Variants in FLNC observed in about 807,000 individuals in gnomAD.
FLNC encodes the protein filamin C, also known as filamin-C.
A neutral mutation model predicts 254.3 loss-of-function variants in FLNC; 91 were observed. That is an observed-to-expected ratio of 0.36 (90% confidence interval 0.30 to 0.43). The LOEUF is 0.43. Ranked by LOEUF, FLNC falls within the 20% of genes least tolerant of loss-of-function variation. The probability of loss-of-function intolerance (pLI) is 1.00; values close to 1 mark genes in which losing one functional copy is unlikely to be tolerated. For missense variants in FLNC, 2,853 were observed against 3,802.6 expected, an observed-to-expected ratio of 0.75 and a Z score of 6.57; for synonymous variants, 1,430 against 1,577.2, an observed-to-expected ratio of 0.91 and a Z score of 2.21.
chr7:128,843,225 C>T lies in FLNC; in HGVS notation c.2551-4C>T. On this transcript the variant is annotated splice_polypyrimidine_tract_variant and splice_region_variant and intron_variant, in intron 16 of 47. Coordinates refer to ENST00000325888, the MANE Select transcript of FLNC (RefSeq NM_001458.5). Reference sequence around the variant, plus strand: ...AGCCCTGACTGAGCCTCCTCCACATCCAGGAGATCCCCGCCAGCCCCTTCC... The same window carrying T: ...AGCCCTGACTGAGCCTCCTCCACATTCAGGAGATCCCCGCCAGCCCCTTCC... The T allele has an allele frequency of 6.3e-7, 1 of 1,588,112 alleles. No homozygotes were observed. Among genetic ancestry groups the T allele is most frequent in the Non-Finnish European group, 8.6e-7 (1 of 1,166,868 alleles).
intron 6 of FLNC, 33 bp downstream of exon 6, chr7:128,838,097 C>A: frequency 6.3e-7 from 1 of 1,581,672 alleles, no homozygotes. Flanking sequence ...GCCTGCGCTG[C>A]TCTTCACATC....
At chr7:128,849,252 CG>C (rs1808703558) in intron 29 of FLNC, 48 bp downstream of exon 29, 1 of 1,614,038 alleles carries the variant, frequency 6.2e-7, no homozygotes, top group East Asian at 2.2e-5. Flanking sequence ...GGGTGGTTGG[CG>C]GTAGGGGGCG....
Position 128,846,393 on chromosome 7 carries a change from G to A in FLNC, c.4057G>A (p.Val1353Ile), listed in dbSNP as rs1321855034. ...GACCGAGGGCTGTGATCCCACCCGC[G>A]TCCGAGCCTTCGGGCCAGGCCTGGA... ...GVTEGCDPTR[V>I]RAFGPGLEGG... Residue 1353 changes from valine (V) to isoleucine (I), a missense_variant, in exon 23 of 48, where the codon GTC (valine) becomes ATC (isoleucine). This residue lies in a region of FLNC where 1,573 missense variants were observed against 1,883.5 expected (regional missense o/e 0.84). Coordinates refer to ENST00000325888, the MANE Select transcript of FLNC (RefSeq NM_001458.5). 7.4e-6 allele frequency: 12 copies of A among 1,610,892 alleles called. No homozygotes were observed. The highest frequency in any genetic ancestry group is 1.6e-4 in the Middle Eastern group (1 of 6,084).
chr7:128,837,257 G>A lies in FLNC; in HGVS notation c.699G>A (p.Gln233=). The change falls in exon 3 of 48, where the codon CAG becomes CAA. Residue 233 remains glutamine, a splice_region_variant and synonymous_variant. Coordinates refer to ENST00000325888, the MANE Select transcript of FLNC (RefSeq NM_001458.5). ...QQADDWLGVP[Q]VIAPEEIVDP... ...CCGACGACTGGCTTGGGGTGCCCCA[G>A]GTACATGCGCAGATGGGGCAGGGGG... 6.4e-7 allele frequency: 1 copy of A among 1,571,230 alleles called. No homozygotes were observed. Among genetic ancestry groups the A allele is most frequent in the South Asian group, 1.2e-5 (1 of 85,702 alleles).
intron 1 of FLNC, among the ~76,000 whole-genome samples, chr7:128,831,654 A>C (rs868553832): frequency 7.2e-5 from 11 of 152,234 alleles, no homozygotes; most frequent in Middle Eastern, 3.4e-3. Flanking sequence ...CCTGCGGTGG[A>C]GGGGGCTTCC....
chr7:128,837,371 A>G (rs1808135393), intron 3 of FLNC, 27 bp from the exon 4 acceptor site: 2 of 1,613,898 alleles, frequency 1.2e-6, no homozygotes, highest in Non-Finnish European at 1.7e-6. Context: ...AGAGGGCGCC[A>G]TGTGACATCA....
At position 128,842,400 on chromosome 7, in the gene FLNC, C is replaced by T. The variant is rs1808372340; in HGVS notation, c.2265+26C>T. 1 of 1,612,978 alleles carries T rather than the reference C, an allele frequency of 6.2e-7. No individual in the cohort carries two copies. The highest frequency in any genetic ancestry group is 8.5e-7 in the Non-Finnish European group (1 of 1,179,880). On this transcript the variant is annotated intron_variant, in intron 14 of 47. Coordinates refer to ENST00000325888, the MANE Select transcript of FLNC (RefSeq NM_001458.5). The surrounding 1 kb of genome is among the most constrained non-coding windows in gnomAD (Gnocchi z 5.4). Reference sequence around the variant, plus strand: ...GTGCGTCCTCCCGGCCTGCCCCGTGCCCACCACCAGGGGTCCCTGAGGGAG... The same window carrying T: ...GTGCGTCCTCCCGGCCTGCCCCGTGTCCACCACCAGGGGTCCCTGAGGGAG...
Position 128,845,029 on chromosome 7 carries a change from G to A in FLNC, c.3564G>A (p.Leu1188=), listed in dbSNP as rs761683129. 14 of 1,613,824 alleles carry A rather than the reference G, an allele frequency of 8.7e-6. No homozygotes were observed. The highest frequency in any genetic ancestry group is 1.2e-5 in the Non-Finnish European group (14 of 1,180,046). ...GCTCAGAGGCAGGCGAGGCGGAGCT[G>A]ACCATTGAGATCCTGTCGGATGCCG... The part of the protein sequence containing the change: ...VDCSEAGEAE[L]TIEILSDAGV... The change falls in exon 21 of 48, where the codon CTG becomes CTA. Residue 1188 remains leucine, a synonymous_variant. Transcript: ENST00000325888.
Position 128,844,196 on chromosome 7 carries a change from C to A in FLNC, c.3122C>A (p.Thr1041Asn). 6.2e-7 allele frequency: 1 copy of A among 1,613,260 alleles called. No homozygotes were observed. Among genetic ancestry groups the A allele is most frequent in the Non-Finnish European group, 8.5e-7 (1 of 1,179,542 alleles). Reference protein sequence around the residue: ...PEEGPYKVDITYDGHPVPGSP... With the variant: ...PEEGPYKVDINYDGHPVPGSP... Reference sequence around the variant, plus strand: ...GAGGGGCCCTACAAGGTGGATATCACCTACGATGGTCACCCGGTGCCTGGC... The same window carrying A: ...GAGGGGCCCTACAAGGTGGATATCAACTACGATGGTCACCCGGTGCCTGGC... Residue 1041 changes from threonine (T) to asparagine (N), a missense_variant, in exon 20 of 48, where the codon ACC becomes AAC. By Grantham distance (65) the Thr-to-Asn change is moderately conservative. Transcript: ENST00000325888.
In FLNC at chr7:128,843,812, C is replaced by T. The variant is rs1450683034; in HGVS notation, c.2828C>T (p.Thr943Ile). 3.1e-6 allele frequency: 5 copies of T among 1,614,008 alleles called. No individual in the cohort carries two copies. The South Asian group carries it at 4.4e-5, about 14-fold the overall frequency. The part of the protein sequence containing the change: ...TAVQQGNMAV[T>I]VTYGGDPVPK... Reference sequence around the variant, plus strand: ...ACCCAACAGGGCAACATGGCAGTGACAGTGACTTATGGCGGGGACCCTGTC... The same window carrying T: ...ACCCAACAGGGCAACATGGCAGTGATAGTGACTTATGGCGGGGACCCTGTC... The change falls in exon 19 of 48, where the codon ACA becomes ATA. Residue 943 changes from threonine (T) to isoleucine (I), a missense_variant. By Grantham distance (89) the Thr-to-Ile change is moderately conservative. Around this residue, in one of 10 missense-constraint regions of FLNC, gnomAD observed 1,573 missense variants for 1,883.5 expected, o/e 0.84. Transcript: ENST00000325888.
intron 5 of FLNC, 80 bp from the exon 6 acceptor site, chr7:128,837,907 G>T: frequency 7.0e-7 from 1 of 1,421,590 alleles, no homozygotes; most frequent in Non-Finnish European, 9.9e-7. Flanking sequence ...GCTGAGTGGG[G>T]CTGGGGTGCA....
At position 128,837,474 on chromosome 7, in the gene FLNC, AG is replaced by A. The variant is rs1808142277; in HGVS notation, c.778del (p.Ala260ProfsTer14). Reference protein sequence around the residue: ...SVMTYLSQFPKAKLKPGAPVR... With the variant: ...SVMTYLSQFPXAKLKPGAPVR... The stretch of plus-strand genomic sequence containing the variant: ...ATGACCTACCTGTCCCAGTTCCCCA[AG>A]GCCAAGCTCAAACCTGGTGCCCCTG... On this transcript the variant is annotated frameshift_variant, in exon 4 of 48. Coordinates refer to ENST00000325888, the MANE Select transcript of FLNC (RefSeq NM_001458.5). LOFTEE classifies it high-confidence loss of function. 6.2e-7 allele frequency: 1 copy of A among 1,614,050 alleles called. No homozygotes were observed. The highest frequency in any genetic ancestry group is 1.3e-5 in the African/African-American group (1 of 74,902).
At chr7:128,840,443 C>A in intron 9 of FLNC, 105 bp from the exon 10 acceptor site, 1 of 1,509,356 alleles carries the variant, frequency 6.6e-7, no homozygotes, top group Non-Finnish European at 9.2e-7. Context: ...ACAGCACTGC[C>A]CTCGGGCTGG....
At chr7:128,851,951 C>T (rs1469617766) in intron 35 of FLNC, among the ~76,000 whole-genome samples, 5 of 152,144 alleles carry the variant, frequency 3.3e-5, no homozygotes, top group East Asian at 1.9e-4. Flanking sequence ...CTGCAACCTC[C>T]GCCTCCCGGG....
chr7:128,853,384 G>A, intron 37 of FLNC, 85 bp from the exon 38 acceptor site: 1 of 1,550,146 alleles, frequency 6.5e-7, no homozygotes, highest in South Asian at 1.1e-5. Context: ...CCCATTCTGG[G>A]TGGAGCCTGC....
rs778823809 is a variant in FLNC at position 128,854,660 on chromosome 7, G to T, written c.6975G>T (p.Glu2325Asp). ...HKVRAGGTGL[E>D]RGVAGVPAEF... Reference sequence around the variant, plus strand: ...TGCGGGCCGGAGGCACAGGGCTGGAGCGAGGTGTGGCCGGCGTGCCAGGTA... The same window carrying T: ...TGCGGGCCGGAGGCACAGGGCTGGATCGAGGTGTGGCCGGCGTGCCAGGTA... Residue 2325 changes from glutamate (E) to aspartate (D), a missense_variant, in exon 41 of 48, where the codon GAG becomes GAT. Physicochemically the swap from Glu to Asp is conservative, Grantham distance 45. Transcript: ENST00000325888. 1 of 1,612,484 alleles carries T rather than the reference G, an allele frequency of 6.2e-7. No homozygotes were observed. Among genetic ancestry groups the T allele is most frequent in the African/African-American group, 1.3e-5 (1 of 74,942 alleles).
chr7:128,855,016 C>T, intron 42 of FLNC, 104 bp downstream of exon 42: 3 of 1,270,828 alleles, frequency 2.4e-6, no homozygotes, highest in East Asian at 2.3e-5. Flanking sequence ...GAACTCCCCT[C>T]CCCGGAGCCC....
At chr7:128,846,639 G>A (rs1808580769) in intron 23 of FLNC, 106 bp from the exon 24 acceptor site, 3 of 1,370,600 alleles carry the variant, frequency 2.2e-6, no homozygotes, top group Non-Finnish European at 3.0e-6. Context: ...CTCCTCAGCT[G>A]GGTCCCCAGC....
chr7:128,837,366 G>A (rs754303576), intron 3 of FLNC, 32 bp from the exon 4 acceptor site: 2 of 1,613,768 alleles, frequency 1.2e-6, no homozygotes, highest in East Asian at 2.2e-5. Context: ...GGAAAAGAGG[G>A]CGCCATGTGA....
Sources: gnomAD v4.1 joint callset for allele counts (sites outside exome capture counted in the v4.1 genomes callset) on GRCh38, gnomAD v4.1.1 for gene constraint, gnomAD v4.1.1 regional missense constraint, Gnocchi (gnomAD v3.1) non-coding constraint, MANE v1.5 for transcripts, NCBI Gene and HGNC (gene_info 2026-07-23, HGNC 2026-07-21) for gene names.